The following LINGO2 variants were observed in gnomAD, a reference collection of about 807,000 sequenced individuals.
LINGO2 encodes the protein leucine rich repeat and Ig domain containing 2, also known as leucine-rich repeat and immunoglobulin-like domain-containing nogo receptor-interacting protein 2.
LINGO2 carries 14 observed loss-of-function variants against 30.6 expected under a neutral mutation model. The ratio of observed to expected loss-of-function variants is 0.46; its 90% CI spans 0.30 to 0.72. The LOEUF (loss-of-function observed/expected upper bound fraction) is 0.72. Ranked by LOEUF, LINGO2 falls within the 30% of genes least tolerant of loss-of-function variation. LINGO2 has a pLI of 0.07. For missense variants in LINGO2, 729 were observed against 751.7 expected, an observed-to-expected ratio of 0.97 and a Z score of 0.35; for synonymous variants, 317 against 288.5, an observed-to-expected ratio of 1.10 and a Z score of -1.00.
chr9:28,658,269 T>C (rs1414881005), intron 1 of LINGO2, among the ~76,000 whole-genome samples: 1 of 152,098 alleles, frequency 6.6e-6, no homozygotes, highest in Non-Finnish European at 1.5e-5. Context: ...CATTGGTGTA[T>C]ACAGTTGTTC....
At chr9:28,672,338 G>A (rs1588053714), upstream of LINGO2, among the ~76,000 whole-genome samples, 1 of 152,094 alleles carries the variant, frequency 6.6e-6, no homozygotes, top group Admixed American at 6.6e-5. Flanking sequence ...TTCTAAATCT[G>A]TATAGTATTC....
In LINGO2 at chr9:28,624,775, G is replaced by A. The variant is rs199934361; in HGVS notation, c.-365+45425C>T. Among the ~76,000 whole-genome samples the A allele has an allele frequency of 5.9e-5, 9 of 151,356 alleles. No individual in the cohort carries two copies. In the East Asian group the frequency reaches 1.8e-3, roughly 30 times the overall value. On this transcript the variant is annotated intron_variant, in intron 1 of 5. Coordinates refer to ENST00000379992, the Ensembl canonical transcript of LINGO2. ...GGTATTAGTCTAGAAATGTCATCTGGGAACTAGGGCCTAGAATGGGGTCCT... is the reference window on the plus strand; with the variant it reads ...GGTATTAGTCTAGAAATGTCATCTGAGAACTAGGGCCTAGAATGGGGTCCT...
At chr9:28,083,105 A>T (rs1283947174) in intron 4 of LINGO2, among the ~76,000 whole-genome samples, 1 of 152,152 alleles carries the variant, frequency 6.6e-6, no homozygotes, top group Non-Finnish European at 1.5e-5. Context: ...CACCTCTAAG[A>T]GTAGAATTAT....
the LINGO2 span, among the ~76,000 whole-genome samples, chr9:29,089,675 G>A: frequency 6.6e-6 from 1 of 152,008 alleles, no homozygotes; most frequent in Non-Finnish European, 1.5e-5. Context: ...AAAGGTGGTA[G>A]GAAATATAAT....
intron 2 of LINGO2, among the ~76,000 whole-genome samples, chr9:28,455,440 G>A (rs1440485451): frequency 3.3e-5 from 5 of 151,940 alleles, no homozygotes; most frequent in Admixed American, 1.3e-4. Flanking sequence ...TACTGGCATG[G>A]TGAAAATGAG....
the LINGO2 span, among the ~76,000 whole-genome samples, chr9:28,990,090 C>A: frequency 6.6e-6 from 1 of 152,210 alleles, no homozygotes; most frequent in South Asian, 2.1e-4. Context: ...CAGGGTGAGG[C>A]ATTGCCTCAC....
chr9:28,074,710 C>A (rs78659134), intron 4 of LINGO2, among the ~76,000 whole-genome samples: 4,369 of 152,160 alleles, frequency 0.029, 119 homozygotes, highest in Admixed American at 0.081. Context: ...CTAATTAATG[C>A]ATTGTGTGTT....
At chr9:28,817,353 G>A in the LINGO2 span, among the ~76,000 whole-genome samples, 1 of 152,116 alleles carries the variant, frequency 6.6e-6, no homozygotes, top group Non-Finnish European at 1.5e-5. Flanking sequence ...TAGATTGGTT[G>A]GATACTGAAC....
At chr9:28,766,836 GAA>G in the LINGO2 span, among the ~76,000 whole-genome samples, 3 of 98,260 alleles carry the variant, frequency 3.1e-5, no homozygotes, top group East Asian at 6.4e-4. Context: ...GAGAAGGAGA[GAA>G]AGAGAGAGAG....
intron 5 of LINGO2, among the ~76,000 whole-genome samples, chr9:27,977,042 G>GA (rs5897259): frequency 1.9e-4 from 28 of 147,188 alleles, no homozygotes; most frequent in South Asian, 1.7e-3. Flanking sequence ...TAGGTAAATG[G>GA]AAAAAAAAAA....
the LINGO2 span, among the ~76,000 whole-genome samples, chr9:28,829,040 G>A: frequency 2.0e-5 from 3 of 151,954 alleles, no homozygotes; most frequent in East Asian, 3.9e-4. Context: ...CCCATGGCCC[G>A]TCCCACTCCC....
chr9:28,060,063 A>T (rs963186950), intron 4 of LINGO2, among the ~76,000 whole-genome samples: 8 of 151,862 alleles, frequency 5.3e-5, no homozygotes, highest in Admixed American at 2.6e-4. Context: ...TTTTAATAAT[A>T]ATCACTATTA....
rs1363354766 is a variant in LINGO2, at chr9:28,598,443, AC to A, written c.-365+71756del. On this transcript the variant is annotated intron_variant, in intron 1 of 5. Coordinates refer to ENST00000379992, the Ensembl canonical transcript of LINGO2. ...CAAAAAAAAAAAAAAAACAAAACAA[AC>A]AAACAAACAAAAAAAACGCCAAATA... is the stretch of plus-strand genomic sequence containing the variant. 6.7e-5 allele frequency among the ~76,000 whole-genome samples: 10 copies of A among 149,148 alleles called. No homozygotes were observed. In the South Asian group the frequency reaches 1.9e-3, roughly 28 times the overall value.
chr9:28,942,456 TG>T, the LINGO2 span, among the ~76,000 whole-genome samples: 1 of 152,182 alleles, frequency 6.6e-6, no homozygotes, highest in African/African-American at 2.4e-5. Flanking sequence ...GAATCCAGAA[TG>T]GCTGACTGCA....
the LINGO2 span, among the ~76,000 whole-genome samples, chr9:29,213,118 G>A: frequency 2.6e-5 from 4 of 152,132 alleles, no homozygotes; most frequent in African/African-American, 9.7e-5. Flanking sequence ...CAGTGGAAAT[G>A]GAGACCGGGA....
the LINGO2 span, among the ~76,000 whole-genome samples, chr9:29,057,822 A>G: frequency 6.6e-6 from 1 of 152,146 alleles, no homozygotes; most frequent in Non-Finnish European, 1.5e-5. Flanking sequence ...GAGATATTAG[A>G]GTTCCTTCTA....
intron 1 of LINGO2, among the ~76,000 whole-genome samples, chr9:28,660,507 T>C (rs559631068): frequency 6.6e-6 from 1 of 152,212 alleles, no homozygotes; most frequent in Admixed American, 6.5e-5. Flanking sequence ...TTAATGTACA[T>C]TTCAAAAATT....
intron 4 of LINGO2, among the ~76,000 whole-genome samples, chr9:28,183,875 T>C (rs941099947): frequency 1.1e-4 from 17 of 152,188 alleles, no homozygotes; most frequent in African/African-American, 4.1e-4. Context: ...AAGAGAGGAA[T>C]AGGTTTGGAA....
the LINGO2 span, among the ~76,000 whole-genome samples, chr9:28,951,249 A>G: frequency 1.3e-5 from 2 of 152,100 alleles, no homozygotes; most frequent in Non-Finnish European, 2.9e-5. Context: ...CTCTAGATGG[A>G]TTAAAGACTT....
Sources: gnomAD v4.1 joint callset for allele counts (sites outside exome capture counted in the v4.1 genomes callset) on GRCh38, gnomAD v4.1.1 for gene constraint, MANE v1.5 for transcripts, NCBI Gene and HGNC (gene_info 2026-07-23, HGNC 2026-07-21) for gene names.